ASB2: variants seen among roughly 807,000 people sequenced by gnomAD.
ASB2 encodes ankyrin repeat and SOCS box containing 2.
ASB2 carries 58 observed loss-of-function variants against 62.4 expected under a neutral mutation model. The ratio of observed to expected loss-of-function variants is 0.93; its 90% confidence interval spans 0.75 to 1.16. ASB2 has a LOEUF of 1.16. Among genes scored for constraint, ASB2 ranks in the 50% most tolerant of loss-of-function variants. The pLI is 0.00. For synonymous variants in ASB2, 386 were observed against 385.3 expected (o/e 1.00, Z -0.02); for missense variants, 928 against 887.9 (o/e 1.05, Z -0.57).
chr14:93,955,200 A>G (rs575518278), intron 3 of ASB2: 3 of 456,234 alleles, frequency 6.6e-6, no homozygotes, highest in Admixed American at 4.7e-5. Flanking sequence ...CATTTCCCAG[A>G]TGGAGAAGGT....
At chr14:93,935,595 C>T (rs975484667) in intron 9 of ASB2, among the ~76,000 whole-genome samples, 1 of 152,058 alleles carries the variant, frequency 6.6e-6, no homozygotes, top group Non-Finnish European at 1.5e-5. Flanking sequence ...CAGGAATTTC[C>T]AGGTACGGAA....
intron 1 of ASB2, among the ~76,000 whole-genome samples, chr14:93,969,547 CT>C (rs1363411851): frequency 6.6e-6 from 1 of 152,204 alleles, no homozygotes; most frequent in Non-Finnish European, 1.5e-5. Flanking sequence ...TCTGAGACCT[CT>C]GTCTGGGGGT....
At chr14:93,970,168 GTCAC>G (rs986527120) in intron 1 of ASB2, among the ~76,000 whole-genome samples, 6 of 152,296 alleles carry the variant, frequency 3.9e-5, no homozygotes, top group Middle Eastern at 3.4e-3. Context: ...GTGGGAGGTG[GTCAC>G]TCTCCAGATG....
chr14:93,939,903 A>C, intron 7 of ASB2: 1 of 441,140 alleles, frequency 2.3e-6, no homozygotes, highest in Non-Finnish European at 3.9e-6. Context: ...TGAAGCTCAG[A>C]GAGCTTCAGC....
intron 1 of ASB2, among the ~76,000 whole-genome samples, chr14:93,970,251 C>T (rs1055470305): frequency 1.3e-5 from 2 of 152,334 alleles, no homozygotes; most frequent in African/African-American, 4.8e-5. Context: ...AGGCTGGCAG[C>T]CATCCTCCAC....
chr14:93,959,757 C>T (rs77832834), intron 2 of ASB2, among the ~76,000 whole-genome samples: 3 of 151,916 alleles, frequency 2.0e-5, no homozygotes, highest in East Asian at 3.9e-4. Flanking sequence ...AATGGGCTGG[C>T]AGGACAGTGC....
intron 8 of ASB2, among the ~76,000 whole-genome samples, chr14:93,938,344 A>G (rs1888356308): frequency 7.0e-6 from 1 of 141,888 alleles, no homozygotes; most frequent in African/African-American, 2.6e-5. Context: ...GGTGCACGTC[A>G]TTCTCCTGCC....
At chr14:93,947,163 C>T (rs1370454857) in intron 7 of ASB2, among the ~76,000 whole-genome samples, 186 bp downstream of exon 7, 1 of 152,238 alleles carries the variant, frequency 6.6e-6, no homozygotes, top group African/African-American at 2.4e-5. Flanking sequence ...CAGGCATTCA[C>T]TCCATGTTGC....
chr14:93,975,593 A>G (rs1351825937), intron 1 of ASB2, among the ~76,000 whole-genome samples: 1 of 152,098 alleles, frequency 6.6e-6, no homozygotes, highest in Non-Finnish European at 1.5e-5. Context: ...AAAGTGTTCC[A>G]ACTTCTTGCT....
chr14:93,934,471 G>A lies in ASB2; in HGVS notation c.*185C>T, dbSNP rs1169335384. The A allele has an allele frequency of 8.3e-6, 5 of 603,172 alleles. No homozygotes were observed. Among genetic ancestry groups the A allele is most frequent in the African/African-American group, 7.6e-5 (4 of 52,666 alleles). The allele number at this position is 603,172 out of a possible 1,614,324, so 37.4% of individuals were successfully genotyped here. On this transcript the variant is annotated 3_prime_UTR_variant, in exon 10 of 10. Transcript: ENST00000555019. ...ATGATTCTTCTCCTTGACACATTCT[G>A]TTCTCTGCTCTGGCCAAAGCTCTGG...
At chr14:93,955,096 T>C (rs540349634) in intron 3 of ASB2, 7 of 456,650 alleles carry the variant, frequency 1.5e-5, no homozygotes, top group Non-Finnish European at 2.6e-5. Context: ...ATTCATTCAC[T>C]GAGCTCCCTA....
chr14:93,956,948 T>C (rs3765494), intron 2 of ASB2, 78 bp from the exon 3 acceptor site: 204,733 of 1,598,452 alleles, frequency 0.13, 20,907 homozygotes, highest in East Asian at 0.62. Context: ...CAGGCAGGAA[T>C]GAGGATGGAG....
intron 1 of ASB2, among the ~76,000 whole-genome samples, chr14:93,966,042 G>A (rs1420163137): frequency 6.6e-6 from 1 of 152,392 alleles, no homozygotes; most frequent in East Asian, 1.9e-4. Context: ...TCTGGGAAGA[G>A]GAACTTCTCC....
At chr14:93,967,079 T>C (rs1889616712) in intron 1 of ASB2, among the ~76,000 whole-genome samples, 1 of 152,232 alleles carries the variant, frequency 6.6e-6, no homozygotes, top group Admixed American at 6.5e-5. Flanking sequence ...AAGTCAGCCA[T>C]GAGCGCCTCT....
Position 93,947,530 on chromosome 14 carries a change from G to A in ASB2, c.881-10C>T. On this transcript the variant is annotated splice_polypyrimidine_tract_variant and intron_variant, in intron 6 of 9. Coordinates refer to ENST00000555019, the MANE Select transcript of ASB2 (RefSeq NM_001202429.2). The stretch of plus-strand genomic sequence containing the variant: ...GTGTTGATGTCAGCACCTGGGGAAG[G>A]AGAAGAGATCAGCAAGTGGCCAAGT... The A allele has an allele frequency of 6.2e-7, 1 of 1,612,906 alleles. No individual in the cohort carries two copies. The highest frequency in any genetic ancestry group is 8.5e-7 in the Non-Finnish European group (1 of 1,179,692).
chr14:93,972,339 G>A (rs1186601869), intron 1 of ASB2, among the ~76,000 whole-genome samples: 4 of 152,092 alleles, frequency 2.6e-5, no homozygotes, highest in Admixed American at 1.3e-4. Context: ...AACGCTTCCA[G>A]CTGGAGTGCT....
Position 93,951,239 on chromosome 14 carries a change from C to G in ASB2, c.640G>C (p.Glu214Gln). 1 of 1,598,358 alleles carries G rather than the reference C, an allele frequency of 6.3e-7. No homozygotes were observed. Among genetic ancestry groups the G allele is most frequent in the Non-Finnish European group, 8.5e-7 (1 of 1,173,246 alleles). ...SRETPLYKACERKNAEAVKIL... is the reference protein window; with the variant it reads ...SRETPLYKACQRKNAEAVKIL... ...TTCACGGCCTCCGCGTTCTTGCGCTCGCAGGCTGTGCTCAGGGGGAAGCAG... is the reference window on the plus strand; with the variant it reads ...TTCACGGCCTCCGCGTTCTTGCGCTGGCAGGCTGTGCTCAGGGGGAAGCAG... Residue 214 changes from glutamate (E) to glutamine (Q), a missense_variant, in exon 6 of 10, where the codon GAG becomes CAG. Physicochemically the swap from Glu to Gln is conservative, Grantham distance 29 (BLOSUM62 2). Coordinates refer to ENST00000555019, the MANE Select transcript of ASB2 (RefSeq NM_001202429.2).
Position 93,939,426 on chromosome 14 carries a change from G to A in ASB2, c.1299C>T (p.His433=). 6.2e-7 allele frequency: 1 copy of A among 1,612,840 alleles called. No homozygotes were observed. The highest frequency in any genetic ancestry group is 8.5e-7 in the Non-Finnish European group (1 of 1,179,838). ...TGACGTCGCGGTTGGGGTCGGCGCC[G>A]TGTTGCAGCAGCAGCTCGGTGGCGT... ...NVYATELLLQ[H]GADPNRDVIS... is the part of the protein sequence containing the mutation. Residue 433 remains histidine, a synonymous_variant, in exon 8 of 10, where the codon CAC becomes CAT. Coordinates refer to ENST00000555019, the MANE Select transcript of ASB2 (RefSeq NM_001202429.2).
chr14:93,957,181 G>A (rs1889256873), intron 2 of ASB2: 3 of 1,339,172 alleles, frequency 2.2e-6, no homozygotes, highest in East Asian at 3.0e-5. Context: ...CAGATAGGAA[G>A]CAAGGTGACA....
Sources: allele counts gnomAD v4.1 joint callset (sites outside exome capture counted in the v4.1 genomes callset), GRCh38; gene constraint gnomAD v4.1.1; transcripts MANE v1.5; gene names NCBI Gene and HGNC (gene_info 2026-07-23, HGNC 2026-07-21).